The following CFAP44 variants were observed in gnomAD, a reference collection of about 807,000 sequenced individuals.
The protein encoded by CFAP44 is cilia- and flagella-associated protein 44.
In CFAP44, 134 loss-of-function variants were observed where a neutral mutation model predicts 216.2. That is an observed-to-expected ratio of 0.62 (90% CI 0.54 to 0.72). The LOEUF is 0.72. CFAP44 is among the 30% of genes least tolerant of loss of function. CFAP44 has a pLI of 0.00. For synonymous variants in CFAP44, 700 were observed against 727.6 expected (o/e 0.96, Z 0.61); for missense variants, 2,035 against 2,182.1 (o/e 0.93, Z 1.34).
At position 113,395,744 on chromosome 3, in the gene CFAP44, A is replaced by T. The variant is rs1268614235; in HGVS notation, c.1890+6T>A. On this transcript the variant is annotated splice_donor_region_variant and intron_variant, in intron 15 of 34. Coordinates refer to ENST00000393845, the MANE Select transcript of CFAP44 (RefSeq NM_001164496.2). ...TCAAACAGGAAGACAAATAATAATG[A>T]CTTACATGAGACATGGGAGACCACA... is the stretch of plus-strand genomic sequence containing the variant. 1 of 1,587,160 alleles carries T rather than the reference A, an allele frequency of 6.3e-7. No homozygotes were observed. Among genetic ancestry groups the T allele is most frequent in the Non-Finnish European group, 8.6e-7 (1 of 1,164,558 alleles).
chr3:113,363,647 A>G, intron 19 of CFAP44, 115 bp from the exon 20 acceptor site: 1 of 894,198 alleles, frequency 1.1e-6, no homozygotes, highest in South Asian at 2.7e-5. Context: ...TTTTCTGCCA[A>G]TTTCTAATAA....
intron 15 of CFAP44, among the ~76,000 whole-genome samples, chr3:113,391,752 G>C (rs79316662): frequency 0.041 from 6,206 of 152,172 alleles, 410 homozygotes; most frequent in African/African-American, 0.14. Context: ...AAGTTCTGAA[G>C]AGACATTTCT....
At position 113,403,952 on chromosome 3, in the gene CFAP44, A is replaced by G. The variant is rs149761596; in HGVS notation, c.1070T>C (p.Leu357Pro). The G allele has an allele frequency of 2.0e-4, 316 of 1,614,046 alleles. No individual in the cohort carries two copies. Among genetic ancestry groups the G allele is most frequent in the Non-Finnish European group, 2.6e-4 (303 of 1,180,018 alleles). The part of the protein sequence containing the change: ...LWEGGLIKVE[L>P]CRGTSKSCHN... ...ACATGACTTGCTTGTCCCTCGACAG[A>G]GCTCCACTTTGATCAGACCACCTTC... Residue 357 changes from leucine (L) to proline (P), a missense_variant, in exon 9 of 35, where the codon CTC (leucine) becomes CCC (proline). By Grantham distance (98) the Leu-to-Pro change is moderately conservative (BLOSUM62 -3). Transcript: ENST00000393845.
chr3:113,418,376 C>T (rs867064320), intron 5 of CFAP44, among the ~76,000 whole-genome samples: 7 of 152,124 alleles, frequency 4.6e-5, no homozygotes, highest in African/African-American at 9.7e-5. Context: ...CAGGAGCCAC[C>T]GCGCCAAGCC....
At chr3:113,333,608 C>A (rs747877093) in intron 24 of CFAP44, 25 bp from the exon 25 acceptor site, 20 of 1,487,526 alleles carry the variant, frequency 1.3e-5, no homozygotes, top group African/African-American at 5.7e-5. Context: ...GACAACCCCC[C>A]CACACACAAA....
chr3:113,374,665 T>C (rs1933282601), intron 17 of CFAP44, among the ~76,000 whole-genome samples: 2 of 152,132 alleles, frequency 1.3e-5, no homozygotes, highest in Admixed American at 1.3e-4. Flanking sequence ...GATGGGGTCT[T>C]ACTCTGTCAC....
chr3:113,329,674 C>T (rs534741232), intron 26 of CFAP44, among the ~76,000 whole-genome samples: 19 of 152,276 alleles, frequency 1.2e-4, no homozygotes, highest in Middle Eastern at 3.4e-3. Flanking sequence ...TAAGAATAGT[C>T]GCCATTCCAG....
chr3:113,294,589 A>G, intron 34 of CFAP44, 98 bp downstream of exon 34: 2 of 1,408,394 alleles, frequency 1.4e-6, no homozygotes, highest in African/African-American at 1.5e-5. Flanking sequence ...AGATCAAGCA[A>G]GGTTTGTTTA....
Position 113,358,961 on chromosome 3 carries a change from G to A in CFAP44, c.2935-86C>T, listed in dbSNP as rs1361176745. 2.1e-6 allele frequency: 3 copies of A among 1,411,018 alleles called. No individual in the cohort carries two copies. In the East Asian group the frequency reaches 7.7e-5, roughly 36 times the overall value. The allele number at this position is 1,411,018 out of a possible 1,614,324, so 87.4% of individuals were successfully genotyped here. On this transcript the variant is annotated intron_variant, in intron 21 of 34. Coordinates refer to ENST00000393845, the MANE Select transcript of CFAP44 (RefSeq NM_001164496.2). The stretch of plus-strand genomic sequence containing the variant: ...TCAGTTTTGTCCCCAGTTTCATGCT[G>A]CATCATAACTCTTCCCCAAATATCA...
chr3:113,337,268 T>C (rs1409372576), intron 24 of CFAP44, among the ~76,000 whole-genome samples: 2 of 152,036 alleles, frequency 1.3e-5, no homozygotes, highest in Non-Finnish European at 2.9e-5. Context: ...TAGAACTTTT[T>C]ATGCTGAAAA....
At chr3:113,355,247 G>A (rs1320845475) in intron 22 of CFAP44, among the ~76,000 whole-genome samples, 7 of 152,094 alleles carry the variant, frequency 4.6e-5, no homozygotes, top group African/African-American at 1.4e-4. Flanking sequence ...TAAGCCAGGC[G>A]TGGTGGCTCA....
chr3:113,400,025 A>C, intron 12 of CFAP44, 25 bp from the exon 13 acceptor site: 2 of 1,469,114 alleles, frequency 1.4e-6, no homozygotes, highest in Admixed American at 4.8e-5. Context: ...TTTTAAAAGA[A>C]AAAAAATTAT....
chr3:113,302,643 C>T (rs1261480979), intron 32 of CFAP44, among the ~76,000 whole-genome samples: 8 of 150,812 alleles, frequency 5.3e-5, no homozygotes, highest in South Asian at 2.1e-4. Context: ...CGCCTGTAAT[C>T]CTAGCTACTC....
At chr3:113,293,030 C>T (rs936461474) in intron 34 of CFAP44, among the ~76,000 whole-genome samples, 2 of 152,144 alleles carry the variant, frequency 1.3e-5, no homozygotes, top group East Asian at 1.9e-4. Context: ...AAAACCAAAG[C>T]GTGTAGTCAT....
In CFAP44 at chr3:113,347,955, G is replaced by A. The variant is rs371184854; in HGVS notation, c.3066-3243C>T. On this transcript the variant is annotated intron_variant, in intron 22 of 34. Coordinates refer to ENST00000393845, the MANE Select transcript of CFAP44 (RefSeq NM_001164496.2). ...GTCCTCATTGTGGTCTAAGAGGACA[G>A]GCAAGAGTGCAGGTTTTCAAGAATG... Among the ~76,000 whole-genome samples the A allele has an allele frequency of 2.3e-4, 35 of 152,292 alleles. 1 individual carries two copies. In the East Asian group the frequency reaches 2.7e-3, roughly 12 times the overall value.
chr3:113,416,725 T>C, intron 5 of CFAP44, 98 bp from the exon 6 acceptor site: 1 of 876,352 alleles, frequency 1.1e-6, no homozygotes, highest in Non-Finnish European at 1.7e-6. Flanking sequence ...TCATAATTTA[T>C]TAGGCTTTAC....
Position 113,409,474 on chromosome 3 carries a change from T to C in CFAP44, c.674-152A>G, listed in dbSNP as rs1194261979. ...CAATTCCAAAAACATTCTCCATCTT[T>C]GGCTTTAGAATGAATTATGTTATAT... On this transcript the variant is annotated intron_variant, in intron 6 of 34. Transcript: ENST00000393845. The C allele has an allele frequency of 1.4e-5, 10 of 691,714 alleles. No individual in the cohort carries two copies. The East Asian group carries it at 2.7e-4, about 19-fold the overall frequency. 42.8% of individuals were successfully genotyped at this position (691,714 alleles called of 1,614,324 possible). A position where few individuals can be genotyped will look rare whatever the true frequency, so the allele number is the denominator to read the frequency against.
At chr3:113,392,745 T>C (rs148186793) in intron 15 of CFAP44, among the ~76,000 whole-genome samples, 1,650 of 152,260 alleles carry the variant, frequency 0.011, 32 homozygotes, top group Non-Finnish European at 0.012. Context: ...ACTCTCAAGA[T>C]TCTGGCTTTA....
intron 26 of CFAP44, among the ~76,000 whole-genome samples, chr3:113,329,931 T>C (rs1950226165): frequency 6.6e-6 from 1 of 152,092 alleles, no homozygotes; most frequent in African/African-American, 2.4e-5. Context: ...TCATTCTTTG[T>C]CAGCTTTCCA....
Sources: gnomAD v4.1 joint callset for allele counts (sites outside exome capture counted in the v4.1 genomes callset) on GRCh38, gnomAD v4.1.1 for gene constraint, MANE v1.5 for transcripts, NCBI Gene and HGNC (gene_info 2026-07-23, HGNC 2026-07-21) for gene names.